PRSS23: variants seen among roughly 807,000 people sequenced by gnomAD.
PRSS23 encodes the protein serine protease 23, also known as protease, serine 23.
In PRSS23, 25 loss-of-function variants were observed where a neutral mutation model predicts 34.7. The observed-to-expected ratio is 0.72, with a 90% CI of 0.53 to 1.01. PRSS23 has a LOEUF of 1.01. Among genes scored for constraint, PRSS23 ranks in the 50% least tolerant of loss-of-function variants. The pLI is 0.00. For synonymous variants in PRSS23, 176 were observed against 186.6 expected, an observed-to-expected ratio of 0.94 and a Z score of 0.46; for missense variants, 445 against 475.6, an observed-to-expected ratio of 0.94 and a Z score of 0.60.
At chr11:86,889,054 G>A (rs1467590982) in intron 2 of PRSS23, among the ~76,000 whole-genome samples, 1 of 152,208 alleles carries the variant, frequency 6.6e-6, no homozygotes, top group African/African-American at 2.4e-5. Context: ...GGGAGGGGCA[G>A]TTTTAGGAAA....
rs183608559 is a variant in PRSS23, at chr11:86,827,448, C to A, written c.206+3855C>A. On this transcript the variant is annotated intron_variant, in intron 2 of 2. Transcript: ENST00000533902. ...GTTGATCCTTTCAAAAAACCAGCTG[C>A]TGGATTCATTAATTTTTTGAAGGGA... Among the ~76,000 whole-genome samples the A allele has an allele frequency of 4.9e-3, 740 of 152,280 alleles. 5 individuals are homozygous for A. The highest frequency in any genetic ancestry group is 0.016 in the African/African-American group (674 of 41,534).
chr11:86,813,942 A>G (rs1183708690), downstream of PRSS23, among the ~76,000 whole-genome samples: 2 of 152,228 alleles, frequency 1.3e-5, no homozygotes, highest in Non-Finnish European at 2.9e-5. Flanking sequence ...CATATCTGGA[A>G]GAGTATATAT....
In PRSS23 at chr11:86,878,474, G is replaced by A. The variant is rs563193804; in HGVS notation, c.206+54881G>A. On this transcript the variant is annotated intron_variant, in intron 2 of 2. Coordinates refer to the PRSS23 transcript ENST00000533902. ...GAGACGGGGTTTCGCTGTGTTGGCTGGGCTGGTCTCCAGCTCCTAACCGCG... is the reference window on the plus strand; with the variant it reads ...GAGACGGGGTTTCGCTGTGTTGGCTAGGCTGGTCTCCAGCTCCTAACCGCG... Among the ~76,000 whole-genome samples the A allele has an allele frequency of 1.2e-3, 180 of 152,202 alleles. 1 individual carries two copies. Among genetic ancestry groups the A allele is most frequent in the African/African-American group, 4.3e-3 (177 of 41,518 alleles).
intron 1 of PRSS23, among the ~76,000 whole-genome samples, chr11:86,805,788 T>A (rs1334040723): frequency 1.3e-5 from 2 of 152,242 alleles, no homozygotes; most frequent in Non-Finnish European, 2.9e-5. Flanking sequence ...ATTGGGATTT[T>A]CTACTTTTAT....
chr11:86,873,115 CT>C (rs1228578036), intron 2 of PRSS23, among the ~76,000 whole-genome samples: 1 of 151,612 alleles, frequency 6.6e-6, no homozygotes, highest in African/African-American at 2.4e-5. Context: ...ATCCAACCCC[CT>C]CTGTCCATTT....
chr11:86,837,927 C>A (rs1029868257), intron 2 of PRSS23, among the ~76,000 whole-genome samples: 4 of 152,014 alleles, frequency 2.6e-5, no homozygotes, highest in Non-Finnish European at 5.9e-5. Context: ...CTCATTGGGA[C>A]TGCTTGGACA....
chr11:86,857,006 A>T (rs1438055798), intron 2 of PRSS23: 1 of 154,160 alleles, frequency 6.5e-6, no homozygotes, highest in Non-Finnish European at 1.4e-5. Flanking sequence ...GGATTTGCAG[A>T]TGTACAGATT....
chr11:86,917,233 C>T (rs549254449), intron 2 of PRSS23, among the ~76,000 whole-genome samples: 3 of 152,288 alleles, frequency 2.0e-5, no homozygotes, highest in South Asian at 2.1e-4. Flanking sequence ...GTAGGAGAAT[C>T]GCTTGAACCC....
At chr11:86,827,495 C>A (rs1397821138) in intron 2 of PRSS23, among the ~76,000 whole-genome samples, 3 of 152,200 alleles carry the variant, frequency 2.0e-5, no homozygotes, top group African/African-American at 7.2e-5. Context: ...CTATTTCCTT[C>A]AATTCTGCTC....
chr11:86,858,141 T>TGG (rs1948585781), intron 2 of PRSS23, among the ~76,000 whole-genome samples: 1 of 152,082 alleles, frequency 6.6e-6, no homozygotes, highest in African/African-American at 2.4e-5. Context: ...ATATTGTTCC[T>TGG]AATATCCAGT....
chr11:86,821,744 C>T (rs764721513), intron 1 of PRSS23: 19 of 1,325,064 alleles, frequency 1.4e-5, no homozygotes, highest in Middle Eastern at 2.5e-4. Context: ...TCAAAGTGTT[C>T]GTCAGGCCAA....
At chr11:86,879,151 C>G (rs1463703246) in intron 2 of PRSS23, among the ~76,000 whole-genome samples, 1 of 150,332 alleles carries the variant, frequency 6.7e-6, no homozygotes, top group Non-Finnish European at 1.5e-5. Context: ...CGCCTCTTCC[C>G]GGCCGCCATC....
chr11:86,894,957 C>G (rs1187392409), intron 2 of PRSS23, among the ~76,000 whole-genome samples: 2 of 152,152 alleles, frequency 1.3e-5, no homozygotes, highest in Non-Finnish European at 2.9e-5. Context: ...CTCTATTGAG[C>G]TGTCTTCAGG....
intron 2 of PRSS23, among the ~76,000 whole-genome samples, chr11:86,848,960 G>A (rs573332168): frequency 8.5e-5 from 13 of 152,216 alleles, no homozygotes; most frequent in South Asian, 4.2e-4. Flanking sequence ...CTGCCCCCTC[G>A]CCCATGTCCA....
intron 2 of PRSS23, among the ~76,000 whole-genome samples, chr11:86,844,545 A>G (rs1245886933): frequency 3.3e-5 from 5 of 152,214 alleles, no homozygotes; most frequent in African/African-American, 1.2e-4. Context: ...GTCTGGAGTA[A>G]TGTGAAAGTC....
At chr11:86,860,866 A>G (rs1228128933) in intron 2 of PRSS23, among the ~76,000 whole-genome samples, 1 of 151,434 alleles carries the variant, frequency 6.6e-6, no homozygotes, top group Non-Finnish European at 1.5e-5. Flanking sequence ...AGAGAATGAT[A>G]TTACTCCCAA....
rs561682096 is a variant in PRSS23, at chr11:86,853,242, CTTTTTTTTTTTTTTTTT to C, written c.206+29665_206+29681del. On this transcript the variant is annotated intron_variant, in intron 2 of 2. Coordinates refer to the PRSS23 transcript ENST00000533902. ...TGCAGCCTGTGTCACAAGTGCCTGCCTTTTTTTTTTTTTTTTTTTTTTTTTTTTTTTTAATGGAGTCT... is the reference window on the plus strand; with the variant it reads ...TGCAGCCTGTGTCACAAGTGCCTGCCTTTTTTTTTTTTTTTAATGGAGTCT... Among the ~76,000 whole-genome samples, 24 of 47,796 alleles carry C rather than the reference CTTTTTTTTTTTTTTTTT, an allele frequency of 5.0e-4. 3 individuals carry two copies. The Admixed American group carries it at 6.6e-3, about 13-fold the overall frequency. The allele number at this position is 47,796 out of a possible 152,430, so 31.4% of individuals were successfully genotyped here.
At position 86,894,186 on chromosome 11, in the gene PRSS23, G is replaced by A. The variant is rs1387709116; in HGVS notation, c.207-57030G>A. Among the ~76,000 whole-genome samples the A allele has an allele frequency of 2.6e-5, 4 of 152,066 alleles. No homozygotes were observed. The East Asian group carries it at 7.7e-4, about 29-fold the overall frequency. ...GTGCCACCACGCCTGGCTAATTTTT[G>A]TATTTTTGAGATGAGGTTTCACCAT... On this transcript the variant is annotated intron_variant, in intron 2 of 2. Coordinates refer to the PRSS23 transcript ENST00000533902.
chr11:86,883,957 C>T (rs1948786612), intron 2 of PRSS23, among the ~76,000 whole-genome samples: 1 of 152,158 alleles, frequency 6.6e-6, no homozygotes, highest in African/African-American at 2.4e-5. Context: ...TCTCTTCTAC[C>T]TCACCTTGCT....
Sources: allele counts gnomAD v4.1 joint callset (sites outside exome capture counted in the v4.1 genomes callset), GRCh38; gene constraint gnomAD v4.1.1; transcripts MANE v1.5; gene names NCBI Gene and HGNC (gene_info 2026-07-23, HGNC 2026-07-21).